Variants in ART1 observed in about 807,000 individuals in gnomAD.
ART1 encodes the protein GPI-linked NAD(P)(+)--arginine ADP-ribosyltransferase 1.
In ART1, 29 loss-of-function variants were observed where a neutral mutation model predicts 27.0. That is an observed-to-expected ratio of 1.08 (90% CI 0.80 to 1.47). The LOEUF (loss-of-function observed/expected upper bound fraction) is 1.47, where lower values mean the gene tolerates loss of function less well. Ranked by LOEUF, ART1 falls within the 40% of genes most tolerant of loss-of-function variation. The pLI is 0.00. For synonymous variants in ART1, 201 were observed against 172.2 expected, an observed-to-expected ratio of 1.17 and a Z score of -1.31; for missense variants, 480 against 423.0, an observed-to-expected ratio of 1.13 and a Z score of -1.18.
intron 2 of ART1, among the ~76,000 whole-genome samples, 153 bp from the exon 3 acceptor site, chr11:3,659,430 G>T (rs572934328): frequency 3.3e-5 from 5 of 152,270 alleles, no homozygotes; most frequent in African/African-American, 1.2e-4. Flanking sequence ...GCTAGTCTTG[G>T]GGAAATTACA....
At chr11:3,663,735 A>T (rs748555297) in intron 4 of ART1, 11 of 208,116 alleles carry the variant, frequency 5.3e-5, no homozygotes, top group Non-Finnish European at 1.1e-4. Flanking sequence ...GACTACAGAT[A>T]TATGCCACTA....
At position 3,650,840 on chromosome 11, in the gene ART1, G is replaced by C. The variant is rs1437236388; in HGVS notation, c.-53+5661G>C. ...TCCCCACCTTAATCCACAAGTATAA[G>C]GCACCTCTACTTCCTCCTTCGCGAC... On this transcript the variant is annotated intron_variant, in intron 1 of 4. Coordinates refer to ENST00000250693, the MANE Select transcript of ART1 (RefSeq NM_004314.3). 1.6e-5 allele frequency among the ~76,000 whole-genome samples: 2 copies of C among 127,570 alleles called. 1 individual carries two copies. Among genetic ancestry groups the C allele is most frequent in the East Asian group, 4.2e-4 (2 of 4,798 alleles). The allele number at this position is 127,570 out of a possible 152,430, so 83.7% of individuals were successfully genotyped here.
intron 1 of ART1, among the ~76,000 whole-genome samples, chr11:3,652,643 TAGACTGTGCCCCAAA>T (rs2077533826): frequency 6.6e-6 from 1 of 152,034 alleles, no homozygotes; most frequent in South Asian, 2.1e-4. Flanking sequence ...CAGACCAACT[TAGACTGTGCCCCAAA>T]AGAACTTGTC....
rs183006233 is a variant in ART1, at chr11:3,648,955, G to T, written c.-53+3776G>T. On this transcript the variant is annotated intron_variant, in intron 1 of 4. Transcript: ENST00000250693. The stretch of plus-strand genomic sequence containing the variant: ...TTCCACACCCCAACCTCTTACCTCT[G>T]TGCCCCAATCCCTTATTTCCACGCC... 5.0e-4 allele frequency among the ~76,000 whole-genome samples: 64 copies of T among 126,856 alleles called. 3 individuals are homozygous for T. In the Middle Eastern group the frequency reaches 0.016, roughly 32 times the overall value. 83.2% of individuals were successfully genotyped at this position (126,856 alleles called of 152,430 possible).
intron 1 of ART1, among the ~76,000 whole-genome samples, chr11:3,651,942 C>A (rs1463089380): frequency 6.6e-6 from 1 of 150,630 alleles, no homozygotes; most frequent in Non-Finnish European, 1.5e-5. Context: ...CAGGCTTAAT[C>A]GCCACACACC....
chr11:3,649,095 G>A (rs1013057360), intron 1 of ART1, among the ~76,000 whole-genome samples: 4 of 151,924 alleles, frequency 2.6e-5, no homozygotes, highest in African/African-American at 9.7e-5. Context: ...TGGAGGGTAA[G>A]AACCCCTGAA....
chr11:3,664,043 CT>C (rs1205578880), intron 4 of ART1, 48 bp from the exon 5 acceptor site: 1 of 1,593,720 alleles, frequency 6.3e-7, no homozygotes, highest in Non-Finnish European at 8.6e-7. Flanking sequence ...CTAAATACCT[CT>C]TTTTTTCTCT....
Position 3,659,238 on chromosome 11 carries a change from C to G in ART1, c.25C>G (p.Leu9Val). ...CATGCAGATGCCTGCTATGATGTCT[C>G]TGCTTCTTGTGTCTGTGGGCCTCAT... is the stretch of plus-strand genomic sequence containing the variant. The part of the protein sequence containing the change: MQMPAMMS[L>V]LLVSVGLMEA... Residue 9 changes from leucine (L) to valine (V), a missense_variant, in exon 2 of 5, where the codon CTG becomes GTG. Physicochemically the swap from Leu to Val is conservative, Grantham distance 32. Coordinates refer to ENST00000250693, the MANE Select transcript of ART1 (RefSeq NM_004314.3). The G allele has an allele frequency of 6.2e-7, 1 of 1,614,224 alleles. No homozygotes were observed. Among genetic ancestry groups the G allele is most frequent in the South Asian group, 1.1e-5 (1 of 91,076 alleles).
At chr11:3,661,210 G>A (rs2077617751) in intron 3 of ART1, among the ~76,000 whole-genome samples, 162 bp from the exon 4 acceptor site, 1 of 152,130 alleles carries the variant, frequency 6.6e-6, no homozygotes, top group Admixed American at 6.6e-5. Context: ...ATGGGTCGAG[G>A]CAAACCTAGT....
intron 1 of ART1, among the ~76,000 whole-genome samples, chr11:3,654,898 T>C (rs766027006): frequency 1.3e-5 from 2 of 152,056 alleles, no homozygotes; most frequent in Non-Finnish European, 2.9e-5. Flanking sequence ...CTGATGTATC[T>C]TGTTTATTGT....
At chr11:3,651,325 T>G (rs1183406193) in intron 1 of ART1, among the ~76,000 whole-genome samples, 1 of 151,190 alleles carries the variant, frequency 6.6e-6, no homozygotes, top group Non-Finnish European at 1.5e-5. Flanking sequence ...ACAGCCCCCA[T>G]TACTTCAGTC....
At chr11:3,660,391 T>C in intron 3 of ART1, 28 bp downstream of exon 3, 1 of 1,579,494 alleles carries the variant, frequency 6.3e-7, no homozygotes, top group Non-Finnish European at 8.6e-7. Context: ...GGTCGGCACC[T>C]GTGCGGAAGG....
At chr11:3,651,937 T>C (rs371451215) in intron 1 of ART1, among the ~76,000 whole-genome samples, 22,398 of 142,726 alleles carry the variant, frequency 0.16, 2,480 homozygotes, top group African/African-American at 0.31. Context: ...TCCACCAGGC[T>C]TAATCGCCAC....
intron 1 of ART1, among the ~76,000 whole-genome samples, chr11:3,649,603 G>A (rs1449898300): frequency 6.6e-6 from 1 of 152,158 alleles, no homozygotes; most frequent in African/African-American, 2.4e-5. Flanking sequence ...GGCTGAGCTA[G>A]GTCCCAATTC....
chr11:3,655,948 T>TTC (rs1395120726), intron 1 of ART1, among the ~76,000 whole-genome samples: 1 of 150,806 alleles, frequency 6.6e-6, no homozygotes, highest in Non-Finnish European at 1.5e-5. Context: ...TTTTTTTTTT[T>TTC]TGAGACAGAG....
In ART1 at chr11:3,646,063, G is replaced by T. The variant is rs867474560; in HGVS notation, c.-53+884G>T. 2.3e-4 allele frequency among the ~76,000 whole-genome samples: 31 copies of T among 133,858 alleles called. 1 individual carries two copies. Among genetic ancestry groups the T allele is most frequent in the Middle Eastern group, 3.8e-3 (1 of 262 alleles). The allele number at this position is 133,858 out of a possible 152,430, so 87.8% of individuals were successfully genotyped here. A position where few individuals can be genotyped will look rare whatever the true frequency, so the allele number is the denominator to read the frequency against. On this transcript the variant is annotated intron_variant, in intron 1 of 4. Transcript: ENST00000250693. Reference sequence around the variant, plus strand: ...GAGGGATGTTTTGTTTGTTTGTTTTGTTTTTTTTTTCTAGATGTGTTTGTA... The same window carrying T: ...GAGGGATGTTTTGTTTGTTTGTTTTTTTTTTTTTTTCTAGATGTGTTTGTA...
At chr11:3,646,086 G>C (rs963111830) in intron 1 of ART1, among the ~76,000 whole-genome samples, 1 of 151,638 alleles carries the variant, frequency 6.6e-6, no homozygotes, top group East Asian at 1.9e-4. Flanking sequence ...AGATGTGTTT[G>C]TATCTCTTCC....
chr11:3,651,994 C>A (rs1242383781), intron 1 of ART1, among the ~76,000 whole-genome samples: 4 of 151,708 alleles, frequency 2.6e-5, no homozygotes, highest in African/African-American at 9.7e-5. Context: ...ACCAGCCCGC[C>A]TCTTAGAACC....
chr11:3,649,894 T>C (rs76465417), intron 1 of ART1, among the ~76,000 whole-genome samples: 24 of 152,054 alleles, frequency 1.6e-4, no homozygotes, highest in East Asian at 3.9e-4. Context: ...TTTACAGCCC[T>C]AGACCCTAAA....
Sources: gnomAD v4.1 joint callset for allele counts (sites outside exome capture counted in the v4.1 genomes callset) on GRCh38, gnomAD v4.1.1 for gene constraint, MANE v1.5 for transcripts, NCBI Gene and HGNC (gene_info 2026-07-23, HGNC 2026-07-21) for gene names.